Variants in GLRB observed in about 807,000 individuals in gnomAD.
GLRB encodes glycine receptor subunit beta.
In GLRB, 33 loss-of-function variants were observed where a neutral mutation model predicts 54.2. The ratio of observed to expected loss-of-function variants is 0.61; its 90% confidence interval spans 0.46 to 0.81. The LOEUF is 0.81. Ranked by LOEUF, GLRB falls within the 40% of genes least tolerant of loss-of-function variation. The pLI is 0.00. For synonymous variants in GLRB, 209 were observed against 208.2 expected (o/e 1.00, Z -0.03); for missense variants, 572 against 584.6 (o/e 0.98, Z 0.22).
In GLRB at chr4:157,131,019, G is replaced by C. The variant is rs1259083911; in HGVS notation, c.298-5450G>C. On this transcript the variant is annotated intron_variant, in intron 4 of 9. Transcript: ENST00000264428. ...GTTAATGTTATACAGAGACGTATAG[G>C]CATAGTCTTGAAGAATTTTTTTTCT... Among the ~76,000 whole-genome samples the C allele has an allele frequency of 2.7e-5, 4 of 148,830 alleles. No individual in the cohort carries two copies. The South Asian group carries it at 8.5e-4, about 32-fold the overall frequency.
chr4:157,089,602 G>C (rs1418376687), intron 2 of GLRB, among the ~76,000 whole-genome samples: 1 of 152,058 alleles, frequency 6.6e-6, no homozygotes, highest in Non-Finnish European at 1.5e-5. Flanking sequence ...TCTGACTACA[G>C]CTGATTAACC....
intron 8 of GLRB, among the ~76,000 whole-genome samples, chr4:157,150,474 A>G (rs1736979961): frequency 2.0e-5 from 3 of 151,968 alleles, no homozygotes; most frequent in Admixed American, 2.0e-4. Context: ...TTTAAAGACA[A>G]TCCTTTCATC....
At chr4:157,099,394 T>C (rs899082760) in intron 2 of GLRB, among the ~76,000 whole-genome samples, 1 of 151,598 alleles carries the variant, frequency 6.6e-6, no homozygotes, top group South Asian at 2.1e-4. Context: ...TGGAGTACAG[T>C]GAAACAATCT....
chr4:157,132,012 G>A (rs879843218), intron 4 of GLRB, among the ~76,000 whole-genome samples: 2 of 151,734 alleles, frequency 1.3e-5, no homozygotes, highest in African/African-American at 4.8e-5. Context: ...AACAGTTTTT[G>A]ATTTTTATCA....
chr4:157,085,619 C>T (rs932350223), intron 2 of GLRB, among the ~76,000 whole-genome samples: 3 of 152,050 alleles, frequency 2.0e-5, no homozygotes, highest in Admixed American at 6.5e-5. Flanking sequence ...GCCTCAGCCT[C>T]CCGAGTAGCT....
chr4:157,128,028 A>G (rs1374333496), intron 4 of GLRB, among the ~76,000 whole-genome samples: 2 of 151,876 alleles, frequency 1.3e-5, no homozygotes, highest in Non-Finnish European at 2.9e-5. Context: ...CTGATTGCAT[A>G]TAACTTCCTC....
In GLRB at chr4:157,170,526, A is replaced by C; in HGVS notation, c.1292A>C (p.Glu431Ala). The change falls in exon 10 of 10, where the codon GAA becomes GCA. Residue 431 changes from glutamate to alanine, a missense_variant. Transcript: ENST00000264428. ...SIVGSLPRDF[E>A]LSNYDCYGKP... The stretch of plus-strand genomic sequence containing the variant: ...GTTGGAAGCTTACCAAGAGATTTTG[A>C]ACTATCCAATTATGACTGCTATGGA... The C allele has an allele frequency of 1.2e-6, 2 of 1,611,624 alleles. No homozygotes were observed. The highest frequency in any genetic ancestry group is 1.7e-6 in the Non-Finnish European group (2 of 1,177,908).
At chr4:157,138,181 C>T (rs1736475395) in intron 6 of GLRB, among the ~76,000 whole-genome samples, 1 of 152,274 alleles carries the variant, frequency 6.6e-6, no homozygotes, top group Non-Finnish European at 1.5e-5. Flanking sequence ...AAGCAATTCT[C>T]CTGCCTCAGC....
intron 2 of GLRB, among the ~76,000 whole-genome samples, chr4:157,111,109 A>G (rs1735402196): frequency 6.6e-6 from 1 of 151,938 alleles, no homozygotes. Context: ...GGTCTAGTGT[A>G]TACTGGGCCC....
chr4:157,131,339 A>G lies in GLRB; in HGVS notation c.298-5130A>G, dbSNP rs973504854. On this transcript the variant is annotated intron_variant, in intron 4 of 9. Transcript: ENST00000264428. ...GTAGACTCGATGTAGACATTATTGT[A>G]GCTTTATTCATAATTGACAAAAATG... 2.6e-5 allele frequency among the ~76,000 whole-genome samples: 4 copies of G among 151,766 alleles called. No individual in the cohort carries two copies. In the Admixed American group the frequency reaches 2.6e-4, roughly 10 times the overall value.
chr4:157,120,089 T>C (rs1321092659), intron 2 of GLRB, among the ~76,000 whole-genome samples: 3 of 151,796 alleles, frequency 2.0e-5, no homozygotes, highest in Admixed American at 2.0e-4. Context: ...TGTAGGGACA[T>C]GGATGAAACT....
rs983641711 is a variant in GLRB at position 157,171,489 on chromosome 4, G to A, written c.*761G>A. The A allele has an allele frequency of 1.3e-5, 2 of 152,074 alleles. No homozygotes were observed. The highest frequency in any genetic ancestry group is 1.5e-5 in the Non-Finnish European group (1 of 67,728). 9.4% of individuals were successfully genotyped at this position (152,074 alleles called of 1,614,324 possible). ...CTTAAAACCTAAATGTATTTTCATG[G>A]ATTTCATTTGTTGGTACATATTACA... is the stretch of plus-strand genomic sequence containing the variant. On this transcript the variant is annotated 3_prime_UTR_variant, in exon 10 of 10. Transcript: ENST00000264428.
chr4:157,168,287 G>A (rs1291834788), intron 9 of GLRB, among the ~76,000 whole-genome samples: 1 of 152,120 alleles, frequency 6.6e-6, no homozygotes, highest in Non-Finnish European at 1.5e-5. Flanking sequence ...GAGTGAGGGG[G>A]TGCAGACAAG....
At chr4:157,128,628 C>CTG (rs1432788565) in intron 4 of GLRB, among the ~76,000 whole-genome samples, 1 of 151,738 alleles carries the variant, frequency 6.6e-6, no homozygotes, top group Non-Finnish European at 1.5e-5. Context: ...CATAGCACCA[C>CTG]CTAGCAGGCT....
intron 2 of GLRB, among the ~76,000 whole-genome samples, chr4:157,104,627 G>T (rs925956454): frequency 6.6e-6 from 1 of 151,846 alleles, no homozygotes; most frequent in Non-Finnish European, 1.5e-5. Context: ...ATTTTGAGAA[G>T]GACTGGCTTT....
chr4:157,160,113 A>T (rs1299710745), intron 9 of GLRB, among the ~76,000 whole-genome samples: 1 of 152,010 alleles, frequency 6.6e-6, no homozygotes, highest in African/African-American at 2.4e-5. Context: ...TTTCTAGTTT[A>T]TTTGTGTAGA....
At chr4:157,107,038 A>C (rs1735251698) in intron 2 of GLRB, among the ~76,000 whole-genome samples, 1 of 152,052 alleles carries the variant, frequency 6.6e-6, no homozygotes, top group Non-Finnish European at 1.5e-5. Flanking sequence ...TGTATCTGTT[A>C]GAGTGATTTG....
At chr4:157,113,851 T>G (rs953957685) in intron 2 of GLRB, among the ~76,000 whole-genome samples, 6 of 151,954 alleles carry the variant, frequency 3.9e-5, no homozygotes, top group African/African-American at 1.4e-4. Flanking sequence ...AAACTAATCA[T>G]GTAAAAGGTA....
chr4:157,123,809 C>G (rs988535506), intron 4 of GLRB, among the ~76,000 whole-genome samples: 2 of 151,658 alleles, frequency 1.3e-5, no homozygotes, highest in African/African-American at 2.4e-5. Context: ...CACGACACCA[C>G]TACACTAATA....
Sources: gnomAD v4.1 joint callset for allele counts (sites outside exome capture counted in the v4.1 genomes callset) on GRCh38, gnomAD v4.1.1 for gene constraint, MANE v1.5 for transcripts, NCBI Gene and HGNC (gene_info 2026-07-23, HGNC 2026-07-21) for gene names.